HDAC8: variants seen among roughly 807,000 people sequenced by gnomAD.
The protein encoded by HDAC8 is histone deacetylase 8, also known as histone deacetylase-like 1.
A neutral mutation model predicts 32.2 loss-of-function variants in HDAC8; 1 was observed. The ratio of observed to expected loss-of-function variants is 0.03; its 90% CI spans 0.01 to 0.15. The LOEUF is 0.15. Ranked by LOEUF, HDAC8 falls within the 10% of genes least tolerant of loss-of-function variation. The pLI, the probability that HDAC8 is intolerant of heterozygous loss-of-function variation, is 1.00. For missense variants in HDAC8, 117 were observed against 300.0 expected (o/e 0.39, Z 4.51); for synonymous variants, 108 against 113.9 (o/e 0.95, Z 0.33).
At chrX:72,542,819 T>C (rs1217844330) in intron 4 of HDAC8, among the ~76,000 whole-genome samples, 1 of 112,521 alleles carries the variant, frequency 8.9e-6, no homozygotes, top group Non-Finnish European at 1.9e-5. Context: ...GAAATCTCAC[T>C]GATGTCTCAC....
intron 9 of HDAC8, among the ~76,000 whole-genome samples, chrX:72,379,054 C>T (rs1360968397): frequency 2.7e-5 from 3 of 111,202 alleles, no homozygotes; most frequent in Admixed American, 1.9e-4. Flanking sequence ...GACAGGGTTT[C>T]GCCATGTTGG....
chrX:72,544,295 C>T lies in HDAC8; in HGVS notation c.437+23594G>A, dbSNP rs781932164. 2.3e-4 allele frequency among the ~76,000 whole-genome samples: 26 copies of T among 111,692 alleles called. No individual in the cohort carries two copies. In the Admixed American group the frequency reaches 2.4e-3, roughly 10 times the overall value. The stretch of plus-strand genomic sequence containing the variant: ...AGATCAAAGTACCCAGGTTCTCCTG[C>T]GACAGGACAATATCCCACTCCCCAC... On this transcript the variant is annotated intron_variant, in intron 4 of 10. Coordinates refer to ENST00000373573, the MANE Select transcript of HDAC8 (RefSeq NM_018486.3).
At chrX:72,519,262 A>G (rs920568723) in intron 4 of HDAC8, among the ~76,000 whole-genome samples, 1 of 112,303 alleles carries the variant, frequency 8.9e-6, no homozygotes, top group Admixed American at 9.4e-5. Flanking sequence ...TAGAGCTGCT[A>G]TGAACATTTA....
intron 9 of HDAC8, among the ~76,000 whole-genome samples, chrX:72,450,699 T>C (rs1363303465): frequency 4.5e-5 from 5 of 110,598 alleles, no homozygotes; most frequent in Admixed American, 2.9e-4. Flanking sequence ...TCAATAGAAA[T>C]CAAACAAACT....
At chrX:72,539,980 G>A (rs1488735358) in intron 4 of HDAC8, among the ~76,000 whole-genome samples, 2 of 112,128 alleles carry the variant, frequency 1.8e-5, no homozygotes, top group Non-Finnish European at 3.8e-5. Flanking sequence ...CAGAGGAACC[G>A]CATCCTTCAG....
chrX:72,354,434 C>T (rs1401912789), intron 9 of HDAC8, among the ~76,000 whole-genome samples: 1 of 112,763 alleles, frequency 8.9e-6, no homozygotes, highest in African/African-American at 3.2e-5. Context: ...CAGTGTCCAA[C>T]TCAAGTCATC....
intron 9 of HDAC8, among the ~76,000 whole-genome samples, chrX:72,425,677 A>G (rs1241548629): frequency 8.9e-6 from 1 of 112,094 alleles, no homozygotes; most frequent in African/African-American, 3.2e-5. Context: ...AGCTCAAGAA[A>G]AGATGAAAAC....
chrX:72,552,349 G>A (rs1448009159), intron 4 of HDAC8, among the ~76,000 whole-genome samples: 1 of 110,895 alleles, frequency 9.0e-6, no homozygotes, highest in Non-Finnish European at 1.9e-5. Context: ...AGTGGCTCAC[G>A]CCTGTAATCC....
chrX:72,482,960 G>A (rs782164027), intron 7 of HDAC8, among the ~76,000 whole-genome samples: 2 of 111,870 alleles, frequency 1.8e-5, no homozygotes, highest in East Asian at 5.6e-4. Flanking sequence ...GTAATTACTG[G>A]CACAGGCAAG....
intron 4 of HDAC8, among the ~76,000 whole-genome samples, chrX:72,515,869 G>T (rs150070737): frequency 2.7e-5 from 3 of 112,078 alleles, no homozygotes; most frequent in Non-Finnish European, 5.6e-5. Flanking sequence ...AAGTTCACTG[G>T]TCTATCACTT....
chrX:72,419,052 T>C (rs978151308), intron 9 of HDAC8, among the ~76,000 whole-genome samples: 2 of 112,042 alleles, frequency 1.8e-5, no homozygotes, highest in African/African-American at 6.5e-5. Flanking sequence ...GTATTACGTT[T>C]TGAAATTGGA....
intron 1 of HDAC8, chrX:72,572,424 C>T (rs1468850566): frequency 9.7e-6 from 4 of 410,269 alleles, no homozygotes; most frequent in African/African-American, 2.5e-5. Context: ...CGTACCCCCT[C>T]CCCCACTCCT....
rs782296225 is a variant in HDAC8, at chrX:72,572,658, G to C, written c.104C>G (p.Pro35Arg). ...VSMCDSLAKI[P>R]KRASMVHSLI... is the part of the protein sequence containing the mutation. ...CATCCCGACTTCCCTTACCCGTTTG[G>C]GGATCTTGGCCAGGGAGTCACACAT... The change falls in exon 1 of 11, where the codon CCC (proline) becomes CGC (arginine). Residue 35 changes from proline to arginine, a missense_variant. This residue lies in a region of HDAC8 where 37 missense variants were observed against 53.1 expected (regional missense o/e 0.70). Transcript: ENST00000373573. The C allele has an allele frequency of 2.6e-6, 3 of 1,156,685 alleles. No individual in the cohort carries two copies. Among genetic ancestry groups the C allele is most frequent in the South Asian group, 4.0e-5 (2 of 50,415 alleles).
At chrX:72,392,589 T>TA (rs1231854472) in intron 9 of HDAC8, among the ~76,000 whole-genome samples, 1 of 112,319 alleles carries the variant, frequency 8.9e-6, no homozygotes, top group Non-Finnish European at 1.9e-5. Context: ...TTGCTGTTTG[T>TA]AAAAGTGCTG....
chrX:72,366,468 C>G (rs1168102016), intron 9 of HDAC8, among the ~76,000 whole-genome samples: 2 of 112,288 alleles, frequency 1.8e-5, no homozygotes, highest in African/African-American at 3.2e-5. Flanking sequence ...TCCCAGCTCC[C>G]CCAGATGGAG....
intron 9 of HDAC8, among the ~76,000 whole-genome samples, chrX:72,439,639 C>CAAA (rs782744436): frequency 0.011 from 381 of 36,155 alleles, 25 homozygotes; most frequent in African/African-American, 0.034. Context: ...AAATGGAAAG[C>CAAA]AAAAAAAAAA....
chrX:72,474,918 T>C (rs954716630), intron 7 of HDAC8, among the ~76,000 whole-genome samples: 5 of 111,820 alleles, frequency 4.5e-5, no homozygotes, highest in Non-Finnish European at 9.4e-5. Flanking sequence ...TGAACATGTT[T>C]TGTGGTTTTT....
chrX:72,388,038 G>C (rs1433529199), intron 9 of HDAC8, among the ~76,000 whole-genome samples: 1 of 110,361 alleles, frequency 9.1e-6, no homozygotes, highest in African/African-American at 3.3e-5. Flanking sequence ...CAGGCAAGTA[G>C]GAGGAAGGAT....
At chrX:72,407,188 C>T (rs1202814357) in intron 9 of HDAC8, among the ~76,000 whole-genome samples, 1 of 112,414 alleles carries the variant, frequency 8.9e-6, no homozygotes, top group Non-Finnish European at 1.9e-5. Flanking sequence ...ATTACTTGGG[C>T]GAGCTCAATG....
Sources: allele counts gnomAD v4.1 joint callset (sites outside exome capture counted in the v4.1 genomes callset), GRCh38; gene constraint gnomAD v4.1.1; regional missense constraint gnomAD v4.1.1; transcripts MANE v1.5; gene names NCBI Gene and HGNC (gene_info 2026-07-23, HGNC 2026-07-21).